Variants in CTNNA3 observed in about 807,000 individuals in gnomAD.
CTNNA3 encodes catenin alpha 3.
In CTNNA3, 76 loss-of-function variants were observed where a neutral mutation model predicts 95.7. The observed-to-expected ratio is 0.79, with a 90% CI of 0.66 to 0.96. The LOEUF is 0.96. Among genes scored for constraint, CTNNA3 ranks in the 40% least tolerant of loss-of-function variants. CTNNA3 has a pLI of 0.00. For synonymous variants in CTNNA3, 431 were observed against 374.4 expected (o/e 1.15, Z -1.74); for missense variants, 1,191 against 1,089.8 (o/e 1.09, Z -1.31).
chr10:67,362,162 T>A (rs1027732578), intron 5 of CTNNA3, among the ~76,000 whole-genome samples: 3 of 152,038 alleles, frequency 2.0e-5, no homozygotes, highest in African/African-American at 7.2e-5. Context: ...CTGAACCAGA[T>A]GGATTTACAG....
chr10:66,694,639 A>G lies in CTNNA3; in HGVS notation c.1281+71625T>C, dbSNP rs1394693981. On this transcript the variant is annotated intron_variant, in intron 9 of 17. Transcript: ENST00000433211. Reference sequence around the variant, plus strand: ...TTTTTTCTAACTTTTAAAAATATGTAAAAATAATTCATAGATTGCAGGATA... The same window carrying G: ...TTTTTTCTAACTTTTAAAAATATGTGAAAATAATTCATAGATTGCAGGATA... Among the ~76,000 whole-genome samples the G allele has an allele frequency of 2.0e-5, 3 of 152,136 alleles. No homozygotes were observed. In the East Asian group the frequency reaches 5.8e-4, roughly 29 times the overall value.
chr10:67,546,555 AG>A (rs1840849346), intron 3 of CTNNA3, among the ~76,000 whole-genome samples: 1 of 152,238 alleles, frequency 6.6e-6, no homozygotes, highest in African/African-American at 2.4e-5. Context: ...AAACTGACAA[AG>A]GAACAAAGCA....
chr10:67,636,013 T>C (rs1310950210), intron 2 of CTNNA3, among the ~76,000 whole-genome samples: 3 of 152,154 alleles, frequency 2.0e-5, no homozygotes, highest in Admixed American at 1.3e-4. Flanking sequence ...AGCATTCCTA[T>C]ACATGAACAA....
At position 65,945,654 on chromosome 10, in the gene CTNNA3, A is replaced by G. The variant is rs2077504524; in HGVS notation, c.2400+20958T>C. ...AGAGCCCATCTTGGATAAAAGGGAG[A>G]TGCAGGATGGAACTGGGGAATGAGG... On this transcript the variant is annotated intron_variant, in intron 17 of 17. Transcript: ENST00000433211. 2.0e-5 allele frequency among the ~76,000 whole-genome samples: 3 copies of G among 152,192 alleles called. No homozygotes were observed. In the South Asian group the frequency reaches 6.2e-4, roughly 31 times the overall value.
chr10:67,055,451 A>G (rs1160407386), intron 7 of CTNNA3, among the ~76,000 whole-genome samples: 2 of 152,180 alleles, frequency 1.3e-5, no homozygotes, highest in Non-Finnish European at 2.9e-5. Flanking sequence ...ATAATTAACA[A>G]AGCAAATAGG....
chr10:66,909,577 A>G (rs1219972847), intron 7 of CTNNA3, among the ~76,000 whole-genome samples: 1 of 152,168 alleles, frequency 6.6e-6, no homozygotes, highest in Non-Finnish European at 1.5e-5. Context: ...TTTCCTTCAG[A>G]ACAGGAAATT....
chr10:66,972,884 G>A lies in CTNNA3; in HGVS notation c.1048-197360C>T, dbSNP rs150451726. The stretch of plus-strand genomic sequence containing the variant: ...TGCCACCACGCCTGGCTAATTGTCT[G>A]TATTTTTAGTAGAGATGGGGTTTCA... On this transcript the variant is annotated intron_variant, in intron 7 of 17. Coordinates refer to ENST00000433211, the MANE Select transcript of CTNNA3 (RefSeq NM_013266.4). 8.2e-3 allele frequency among the ~76,000 whole-genome samples: 1,244 copies of A among 151,552 alleles called. 23 individuals are homozygous for A. Among genetic ancestry groups the A allele is most frequent in the African/African-American group, 0.029 (1,176 of 41,124 alleles).
chr10:67,211,903 A>C (rs1864154608), intron 6 of CTNNA3, among the ~76,000 whole-genome samples: 1 of 152,170 alleles, frequency 6.6e-6, no homozygotes, highest in African/African-American at 2.4e-5. Flanking sequence ...CTCCTGACCT[A>C]TGTGCTCTAT....
chr10:66,139,123 C>T (rs574827269), intron 13 of CTNNA3, among the ~76,000 whole-genome samples: 4 of 152,182 alleles, frequency 2.6e-5, no homozygotes, highest in Admixed American at 2.0e-4. Flanking sequence ...AAATCTTTTA[C>T]ACCATTTCCT....
At chr10:67,388,400 T>A (rs1335390806) in intron 5 of CTNNA3, among the ~76,000 whole-genome samples, 1 of 128,788 alleles carries the variant, frequency 7.8e-6, no homozygotes, top group Non-Finnish European at 1.6e-5. Flanking sequence ...CCAAGAAATA[T>A]GGGACTATGT....
chr10:67,210,572 A>G lies in CTNNA3; in HGVS notation c.843+9035T>C, dbSNP rs201937757. On this transcript the variant is annotated intron_variant, in intron 6 of 17. Coordinates refer to ENST00000433211, the MANE Select transcript of CTNNA3 (RefSeq NM_013266.4). ...AATTAACATGTCCATCATCCCACAT[A>G]CTTTTTTGTGGTGACTCTTTTATTG... 5.3e-5 allele frequency among the ~76,000 whole-genome samples: 8 copies of G among 152,064 alleles called. No individual in the cohort carries two copies. In the East Asian group the frequency reaches 1.5e-3, roughly 29 times the overall value.
chr10:66,045,393 G>A (rs1364792169), intron 15 of CTNNA3, among the ~76,000 whole-genome samples: 1 of 152,082 alleles, frequency 6.6e-6, no homozygotes. Flanking sequence ...AACTTATTGT[G>A]AGACTACATC....
chr10:66,922,858 G>C (rs1846862008), intron 7 of CTNNA3, among the ~76,000 whole-genome samples: 1 of 151,430 alleles, frequency 6.6e-6, no homozygotes, highest in African/African-American at 2.4e-5. Flanking sequence ...ATGTTTATGG[G>C]GTACATGAGA....
intron 7 of CTNNA3, among the ~76,000 whole-genome samples, chr10:67,135,586 G>C (rs1442847013): frequency 6.6e-6 from 1 of 152,084 alleles, no homozygotes; most frequent in Admixed American, 6.6e-5. Context: ...GAGGCAGGAG[G>C]ATTACTTGAG....
intron 13 of CTNNA3, among the ~76,000 whole-genome samples, chr10:66,191,631 A>C (rs1211718324): frequency 7.2e-6 from 1 of 138,608 alleles, no homozygotes; most frequent in Non-Finnish European, 1.6e-5. Context: ...AAAAAAAAAA[A>C]CTCCTGTAGC....
At chr10:67,065,007 C>G (rs1267162067) in intron 7 of CTNNA3, among the ~76,000 whole-genome samples, 2 of 152,162 alleles carry the variant, frequency 1.3e-5, no homozygotes, top group African/African-American at 4.8e-5. Context: ...TCCACAGCTT[C>G]CATATACCAC....
chr10:67,628,291 T>A (rs1304302072), intron 2 of CTNNA3, among the ~76,000 whole-genome samples: 1 of 150,482 alleles, frequency 6.6e-6, no homozygotes, highest in Non-Finnish European at 1.5e-5. Flanking sequence ...GTGTGCCTCA[T>A]GCTATCTTAA....
At chr10:66,082,797 A>G (rs2080813534) in intron 14 of CTNNA3, among the ~76,000 whole-genome samples, 1 of 152,176 alleles carries the variant, frequency 6.6e-6, no homozygotes, top group South Asian at 2.1e-4. Context: ...AGAATAATTT[A>G]CTTCATGGTG....
Position 66,892,075 on chromosome 10 carries a change from AT to A in CTNNA3, c.1048-116552del, listed in dbSNP as rs202157872. ...AAAAAACCAAAACAAAAATGTTAAA[AT>A]TATTAAAATTTTAGACACTTATTCT... On this transcript the variant is annotated intron_variant, in intron 7 of 17. Transcript: ENST00000433211. Among the ~76,000 whole-genome samples, 542 of 152,298 alleles carry A rather than the reference AT, an allele frequency of 3.6e-3. 2 individuals are homozygous for A. Among genetic ancestry groups the A allele is most frequent in the African/African-American group, 0.012 (514 of 41,576 alleles).
Sources: allele counts gnomAD v4.1 joint callset (sites outside exome capture counted in the v4.1 genomes callset), GRCh38; gene constraint gnomAD v4.1.1; transcripts MANE v1.5; gene names NCBI Gene and HGNC (gene_info 2026-07-23, HGNC 2026-07-21).